Variants in GALNT17 observed in about 807,000 individuals in gnomAD.
The protein encoded by GALNT17 is UDP-GalNAc:polypeptide N-acetylgalactosaminyltransferase-like 3.
In GALNT17, 29 loss-of-function variants were observed where a neutral mutation model predicts 63.7. The ratio of observed to expected loss-of-function variants is 0.46; its 90% CI spans 0.34 to 0.62. The LOEUF (loss-of-function observed/expected upper bound fraction) is 0.62, where lower values mean the gene tolerates loss of function less well. Among genes scored for constraint, GALNT17 ranks in the 20% least tolerant of loss-of-function variants. The pLI is 0.01. For synonymous variants in GALNT17, 305 were observed against 318.3 expected (o/e 0.96, Z 0.45); for missense variants, 603 against 799.6 (o/e 0.75, Z 2.97).
At chr7:71,245,116 T>C (rs1050569743) in intron 1 of GALNT17, among the ~76,000 whole-genome samples, 7 of 152,100 alleles carry the variant, frequency 4.6e-5, no homozygotes, top group African/African-American at 1.4e-4. Context: ...TCCTGGATAA[T>C]AAGTGGTTGA....
rs541156017 is a variant in GALNT17 at position 71,481,428 on chromosome 7, C to T, written c.962+60323C>T. On this transcript the variant is annotated intron_variant, in intron 5 of 10. Coordinates refer to ENST00000333538, the MANE Select transcript of GALNT17 (RefSeq NM_022479.3). ...TCGCACCACTGCACTCCAGCCTGGGCGACAGAGCGAGACACTGTCTCAAAA... is the reference window on the plus strand; with the variant it reads ...TCGCACCACTGCACTCCAGCCTGGGTGACAGAGCGAGACACTGTCTCAAAA... Among the ~76,000 whole-genome samples the T allele has an allele frequency of 1.4e-4, 22 of 152,166 alleles. No individual in the cohort carries two copies. In the South Asian group the frequency reaches 4.6e-3, roughly 32 times the overall value.
chr7:71,589,776 G>T (rs1789771626), intron 6 of GALNT17, among the ~76,000 whole-genome samples: 1 of 152,150 alleles, frequency 6.6e-6, no homozygotes, highest in South Asian at 2.1e-4. Context: ...CTAATAAATA[G>T]AACAGCCGGA....
chr7:71,632,602 G>C (rs990864503), intron 6 of GALNT17, among the ~76,000 whole-genome samples: 8 of 152,164 alleles, frequency 5.3e-5, no homozygotes, highest in African/African-American at 1.9e-4. Context: ...CAAGGATGAG[G>C]AGAGAATCTG....
chr7:71,597,499 C>A (rs1273453796), intron 6 of GALNT17, among the ~76,000 whole-genome samples: 3 of 144,494 alleles, frequency 2.1e-5, no homozygotes, highest in Non-Finnish European at 1.5e-5. Flanking sequence ...TGGAGTGAAT[C>A]CCCAACCTTA....
intron 1 of GALNT17, among the ~76,000 whole-genome samples, chr7:71,217,742 G>A (rs937084911): frequency 5.3e-5 from 8 of 151,768 alleles, no homozygotes; most frequent in Admixed American, 2.0e-4. Context: ...TGGCTAACAC[G>A]GTGAAACCCT....
rs1554345967 is a variant in GALNT17 at position 71,265,098 on chromosome 7, T to TTATATATATATATATATATATATATA, written c.239-70431_239-70430insATATATATATATATATATATATATAT. Among the ~76,000 whole-genome samples the TTATATATATATATATATATATATATA allele has an allele frequency of 5.1e-4, 40 of 78,358 alleles. 1 individual carries two copies. The highest frequency in any genetic ancestry group is 8.4e-4 in the Admixed American group (6 of 7,160). The allele number at this position is 78,358 out of a possible 152,430, so 51.4% of individuals were successfully genotyped here. A position where few individuals can be genotyped will look rare whatever the true frequency, so the allele number is the denominator to read the frequency against. On this transcript the variant is annotated intron_variant, in intron 1 of 10. Transcript: ENST00000333538. ...AAATACCACACGTAACCCATAAATA[T>TTATATATATATATATATATATATATA]TATATATATATATATATATATTTTT... is the stretch of plus-strand genomic sequence containing the variant.
chr7:71,692,446 G>A (rs1194075920), intron 9 of GALNT17, among the ~76,000 whole-genome samples: 1 of 152,112 alleles, frequency 6.6e-6, no homozygotes, highest in African/African-American at 2.4e-5. Flanking sequence ...GGAGGGGGAC[G>A]TAAAGCCTCC....
intron 1 of GALNT17, among the ~76,000 whole-genome samples, chr7:71,181,666 A>G (rs1788737554): frequency 6.6e-6 from 1 of 151,960 alleles, no homozygotes; most frequent in South Asian, 2.1e-4. Context: ...CCAGGAGTTC[A>G]AAACCAGCCC....
At chr7:71,510,154 C>T (rs1788332141) in intron 5 of GALNT17, among the ~76,000 whole-genome samples, 1 of 152,020 alleles carries the variant, frequency 6.6e-6, no homozygotes, top group South Asian at 2.1e-4. Flanking sequence ...GCTCTATTGC[C>T]CAGGCTGGTC....
chr7:71,521,032 G>T (rs1244249096), intron 5 of GALNT17, among the ~76,000 whole-genome samples: 1 of 152,176 alleles, frequency 6.6e-6, no homozygotes, highest in Non-Finnish European at 1.5e-5. Context: ...GGAGGAGAAT[G>T]AAAGCTGCCC....
rs140730395 is a variant in GALNT17, at chr7:71,697,466, G to A, written c.1501-13295G>A. 5.2e-3 allele frequency among the ~76,000 whole-genome samples: 795 copies of A among 152,268 alleles called. 6 individuals are homozygous for A. The highest frequency in any genetic ancestry group is 0.018 in the African/African-American group (739 of 41,564). ...AAGGGTGCAAAGTTGATTCAAGTGC[G>A]CAAGTCTAGAACTAGGGGACTCTGG... On this transcript the variant is annotated intron_variant, in intron 9 of 10. Coordinates refer to ENST00000333538, the MANE Select transcript of GALNT17 (RefSeq NM_022479.3).
At chr7:71,613,510 C>T (rs961865469) in intron 6 of GALNT17, among the ~76,000 whole-genome samples, 2 of 152,200 alleles carry the variant, frequency 1.3e-5, no homozygotes, top group South Asian at 4.1e-4. Flanking sequence ...CCAAATCCTT[C>T]TTTCCATGAG....
chr7:71,689,084 G>A (rs763942191), intron 9 of GALNT17, among the ~76,000 whole-genome samples: 6 of 152,054 alleles, frequency 3.9e-5, no homozygotes, highest in Non-Finnish European at 8.8e-5. Context: ...GGGGCACTAT[G>A]AGCTGCACCT....
chr7:71,663,612 C>T (rs911931097), intron 6 of GALNT17, among the ~76,000 whole-genome samples: 2 of 152,190 alleles, frequency 1.3e-5, no homozygotes, highest in African/African-American at 4.8e-5. Flanking sequence ...CACAATTCCT[C>T]CTGGAAGAAG....
In GALNT17 at chr7:71,571,317, T is replaced by C. The variant is rs1305175244; in HGVS notation, c.995T>C (p.Val332Ala). The change falls in exon 6 of 11, where the codon GTC (valine) becomes GCC (alanine). Residue 332 changes from valine to alanine, a missense_variant. Transcript: ENST00000333538. ...GCCATGATAGGCTGCTCGTTCGTGG[T>C]CAACAGGAAGTTCTTCGGTGAAATT... is the stretch of plus-strand genomic sequence containing the variant. ...TPAMIGCSFV[V>A]NRKFFGEIGL... The C allele has an allele frequency of 1.2e-6, 2 of 1,614,094 alleles. No homozygotes were observed. The highest frequency in any genetic ancestry group is 8.5e-7 in the Non-Finnish European group (1 of 1,179,970).
At chr7:71,416,776 T>C (rs1159076505) in intron 4 of GALNT17, among the ~76,000 whole-genome samples, 1 of 152,186 alleles carries the variant, frequency 6.6e-6, no homozygotes, top group Non-Finnish European at 1.5e-5. Flanking sequence ...AGAGATATAG[T>C]TATAATTCTA....
At chr7:71,563,356 TG>T (rs1789286942) in intron 5 of GALNT17, among the ~76,000 whole-genome samples, 1 of 152,156 alleles carries the variant, frequency 6.6e-6, no homozygotes, top group South Asian at 2.1e-4. Context: ...GCAGCAGCCG[TG>T]CTTTGCTCCT....
chr7:71,278,802 C>G lies in GALNT17; in HGVS notation c.239-56748C>G, dbSNP rs181600729. On this transcript the variant is annotated intron_variant, in intron 1 of 10. Transcript: ENST00000333538. ...CTCTCATGATTCAATTACCTCACAC[C>G]GAGTCCCTTGCACGACACATGGGAA... Among the ~76,000 whole-genome samples the G allele has an allele frequency of 1.3e-3, 195 of 152,194 alleles. 2 individuals are homozygous for G. Among genetic ancestry groups the G allele is most frequent in the Non-Finnish European group, 2.9e-4 (20 of 68,008 alleles).
chr7:71,200,285 G>A (rs1038136371), intron 1 of GALNT17, among the ~76,000 whole-genome samples: 1 of 152,150 alleles, frequency 6.6e-6, no homozygotes, highest in African/African-American at 2.4e-5. Flanking sequence ...TTTGTAGATG[G>A]TGTGTTTGTA....
Sources: gnomAD v4.1 joint callset for allele counts (sites outside exome capture counted in the v4.1 genomes callset) on GRCh38, gnomAD v4.1.1 for gene constraint, MANE v1.5 for transcripts, NCBI Gene and HGNC (gene_info 2026-07-23, HGNC 2026-07-21) for gene names.